FRMD5: variants seen among roughly 807,000 people sequenced by gnomAD.
FRMD5 encodes the protein FERM domain-containing protein 5.
A neutral mutation model predicts 69.0 loss-of-function variants in FRMD5; 20 were observed. The observed-to-expected ratio is 0.29, with a 90% CI of 0.20 to 0.42. The LOEUF is 0.42. FRMD5 is among the 10% of genes least tolerant of loss of function. The pLI is 1.00. For missense variants in FRMD5, 595 were observed against 708.6 expected (o/e 0.84, Z 1.82); for synonymous variants, 271 against 260.1 (o/e 1.04, Z -0.40).
intron 1 of FRMD5, among the ~76,000 whole-genome samples, chr15:44,044,761 CA>C (rs1268160313): frequency 1.4e-5 from 2 of 147,978 alleles, no homozygotes; most frequent in Non-Finnish European, 3.0e-5. Flanking sequence ...TGGGGCCTGT[CA>C]GGGGGTGGGG....
At chr15:44,033,780 TG>T (rs1354299161) in intron 1 of FRMD5, among the ~76,000 whole-genome samples, 1 of 152,162 alleles carries the variant, frequency 6.6e-6, no homozygotes, top group African/African-American at 2.4e-5. Context: ...CTGGGTGAGT[TG>T]GGGTAAGTTG....
At chr15:44,051,299 C>A (rs2140347334) in intron 1 of FRMD5, among the ~76,000 whole-genome samples, 1 of 148,504 alleles carries the variant, frequency 6.7e-6, no homozygotes, top group Non-Finnish European at 1.5e-5. Flanking sequence ...TTATAGGCAC[C>A]CATGACCACA....
At chr15:44,025,995 T>C (rs1595639937) in intron 1 of FRMD5, among the ~76,000 whole-genome samples, 1 of 152,016 alleles carries the variant, frequency 6.6e-6, no homozygotes, top group Non-Finnish European at 1.5e-5. Flanking sequence ...TGGGGCAGGG[T>C]GGGGCAGAGT....
At chr15:43,996,753 G>A (rs7162529) in intron 1 of FRMD5, among the ~76,000 whole-genome samples, 5,110 of 106,886 alleles carry the variant, frequency 0.048, 343 homozygotes, top group African/African-American at 0.16. Context: ...CAGTTTGAGA[G>A]CCATTGTTCT....
chr15:43,990,893 A>C (rs1271206429), intron 1 of FRMD5, among the ~76,000 whole-genome samples: 1 of 152,250 alleles, frequency 6.6e-6, no homozygotes, highest in Non-Finnish European at 1.5e-5. Flanking sequence ...TAGTCATTAT[A>C]CATCTCTATA....
intron 1 of FRMD5, among the ~76,000 whole-genome samples, chr15:44,090,317 C>T (rs2076452801): frequency 6.6e-6 from 1 of 151,990 alleles, no homozygotes; most frequent in Admixed American, 6.6e-5. Flanking sequence ...TTTAGATGTC[C>T]CAATTGATTT....
chr15:44,092,930 T>C (rs1228740003), intron 1 of FRMD5, among the ~76,000 whole-genome samples: 3 of 12,780 alleles, frequency 2.3e-4, no homozygotes, highest in Non-Finnish European at 5.2e-3. Flanking sequence ...CCTCTGCCTT[T>C]TTTTTTTTTT....
chr15:43,885,529 T>C (rs1441221329), intron 11 of FRMD5, 152 bp downstream of exon 11: 1 of 666,484 alleles, frequency 1.5e-6, no homozygotes, highest in Non-Finnish European at 2.7e-6. Context: ...AAGGAAATAG[T>C]AAAAGGGTCA....
At chr15:43,890,341 G>A (rs1341305486) in intron 8 of FRMD5, among the ~76,000 whole-genome samples, 1 of 152,188 alleles carries the variant, frequency 6.6e-6, no homozygotes, top group Non-Finnish European at 1.5e-5. Flanking sequence ...GAGAGAAGCC[G>A]TGGAAAGAAA....
intron 1 of FRMD5, among the ~76,000 whole-genome samples, chr15:44,027,176 G>T (rs138809434): frequency 6.6e-6 from 1 of 152,030 alleles, no homozygotes; most frequent in Non-Finnish European, 1.5e-5. Flanking sequence ...TCTATATTAC[G>T]TCCCTATAAC....
chr15:43,944,424 C>T (rs1416308747), intron 1 of FRMD5, among the ~76,000 whole-genome samples: 1 of 152,210 alleles, frequency 6.6e-6, no homozygotes, highest in Non-Finnish European at 1.5e-5. Flanking sequence ...AAAGGACCCA[C>T]TTCTTTTGTT....
At chr15:44,026,064 G>A (rs112451405) in intron 1 of FRMD5, among the ~76,000 whole-genome samples, 5,225 of 152,194 alleles carry the variant, frequency 0.034, 260 homozygotes, top group African/African-American at 0.11. Flanking sequence ...TGCAACATCT[G>A]CCTCCTGGGT....
Position 43,884,800 on chromosome 15 carries a change from AAGT to A in FRMD5, c.960-8_960-6del, listed in dbSNP as rs776279443. ...ACTTCCTTTGCAACTCGGCCACTGT[AAGT>A]AGTGTAATAAAAACAAGCAGCAAGA... On this transcript the variant is annotated splice_region_variant and splice_polypyrimidine_tract_variant and intron_variant, in intron 11 of 13. Transcript: ENST00000417257. 8.7e-6 allele frequency: 14 copies of A among 1,613,552 alleles called. 1 individual carries two copies. In the South Asian group the frequency reaches 1.4e-4, roughly 16 times the overall value.
intron 1 of FRMD5, chr15:44,063,606 C>T (rs79465053): frequency 5.7e-6 from 3 of 522,832 alleles, no homozygotes; most frequent in African/African-American, 3.9e-5. Flanking sequence ...ATATTGTTGC[C>T]ATCAATGATC....
chr15:43,885,653 A>G, intron 11 of FRMD5, 28 bp downstream of exon 11: 3 of 1,573,482 alleles, frequency 1.9e-6, no homozygotes, highest in Non-Finnish European at 2.6e-6. Flanking sequence ...AAATAGATCC[A>G]TAATGGTTAC....
intron 1 of FRMD5, among the ~76,000 whole-genome samples, chr15:43,926,433 C>G (rs1595526333): frequency 2.6e-5 from 4 of 152,258 alleles, no homozygotes; most frequent in African/African-American, 9.6e-5. Flanking sequence ...AGATAAGATC[C>G]AAAGATCTCT....
intron 1 of FRMD5, chr15:44,064,120 C>A: frequency 4.6e-6 from 1 of 215,884 alleles, no homozygotes; most frequent in South Asian, 6.9e-5. Flanking sequence ...TGGAATTTTC[C>A]AGAACATCAT....
At chr15:43,907,362 C>T (rs117093001) in intron 5 of FRMD5, among the ~76,000 whole-genome samples, 2,495 of 152,272 alleles carry the variant, frequency 0.016, 29 homozygotes, top group Non-Finnish European at 0.025. Flanking sequence ...TCTGGGGTGA[C>T]CTTGAGCCTT....
At position 43,874,381 on chromosome 15, in the gene FRMD5, C is replaced by G. The variant is rs755061695; in HGVS notation, c.1217G>C (p.Arg406Thr). Residue 406 changes from arginine to threonine, a missense_variant, in exon 14 of 14, where the codon AGA becomes ACA. Arg to Thr is a moderately conservative substitution (Grantham distance 71). Coordinates refer to ENST00000417257, the MANE Select transcript of FRMD5 (RefSeq NM_032892.5). ...SHGDTFLPHV[R>T]SSRTDSNERV... Reference sequence around the variant, plus strand: ...CTCATTGCTATCTGTCCGGCTGCTTCTCACGTGAGGCAGGAAGGTGTCCCC... The same window carrying G: ...CTCATTGCTATCTGTCCGGCTGCTTGTCACGTGAGGCAGGAAGGTGTCCCC... 6.2e-7 allele frequency: 1 copy of G among 1,614,220 alleles called. No homozygotes were observed. Among genetic ancestry groups the G allele is most frequent in the Non-Finnish European group, 8.5e-7 (1 of 1,180,048 alleles).
Sources: allele counts gnomAD v4.1 joint callset (sites outside exome capture counted in the v4.1 genomes callset), GRCh38; gene constraint gnomAD v4.1.1; transcripts MANE v1.5; gene names NCBI Gene and HGNC (gene_info 2026-07-23, HGNC 2026-07-21).